The following PAK3 variants were observed in gnomAD, a reference collection of about 807,000 sequenced individuals.
The protein encoded by PAK3 is serine/threonine-protein kinase PAK 3.
Under a neutral mutation model 41.0 loss-of-function variants are expected in PAK3, and 4 were observed. That is an observed-to-expected ratio of 0.10 (90% CI 0.05 to 0.22). PAK3 has a LOEUF of 0.22. Ranked by LOEUF, PAK3 falls within the 10% of genes least tolerant of loss-of-function variation. The pLI is 1.00. For missense variants in PAK3, 205 were observed against 409.9 expected (o/e 0.50, Z 4.32); for synonymous variants, 146 against 139.6 (o/e 1.05, Z -0.32).
At chrX:111,210,718 C>G (rs1306650289) in intron 16 of PAK3, among the ~76,000 whole-genome samples, 1 of 112,007 alleles carries the variant, frequency 8.9e-6, no homozygotes, top group African/African-American at 3.2e-5. Flanking sequence ...CAGCTGCTAC[C>G]TTCCATGGGC....
chrX:111,023,883 A>C (rs745889535), intron 1 of PAK3, among the ~76,000 whole-genome samples: 18 of 111,526 alleles, frequency 1.6e-4, no homozygotes, highest in Non-Finnish European at 5.7e-5. Context: ...GCTGTGCAGA[A>C]ACTCTTTAGT....
chrX:110,989,328 A>G lies in PAK3; in HGVS notation c.-28+44700A>G, dbSNP rs986659985. On this transcript the variant is annotated intron_variant, in intron 1 of 14. Transcript: ENST00000425146. ...TACTTATCATACAACTTAACATAGT[A>G]TATTTTAAATAATAAACAGATAATG... is the stretch of plus-strand genomic sequence containing the variant. Among the ~76,000 whole-genome samples, 2 of 112,368 alleles carry G rather than the reference A, an allele frequency of 1.8e-5. 1 individual carries two copies. The highest frequency in any genetic ancestry group is 1.9e-4 in the Admixed American group (2 of 10,594).
intron 1 of PAK3, among the ~76,000 whole-genome samples, chrX:110,965,492 A>G (rs1342124823): frequency 8.9e-6 from 1 of 112,185 alleles, no homozygotes; most frequent in East Asian, 2.8e-4. Flanking sequence ...CCTCAGGACC[A>G]GGCTTTGGGA....
chrX:110,997,583 C>T (rs2091762388), intron 1 of PAK3, among the ~76,000 whole-genome samples: 2 of 111,770 alleles, frequency 1.8e-5, no homozygotes, highest in South Asian at 7.6e-4. Flanking sequence ...GGTTTTTAGC[C>T]TAGGCATCTA....
intron 8 of PAK3, among the ~76,000 whole-genome samples, chrX:111,160,573 A>T (rs374570885): frequency 9.2e-6 from 1 of 108,777 alleles, no homozygotes; most frequent in South Asian, 4.0e-4. Flanking sequence ...CCATTAACTC[A>T]TCATTTAGCA....
At chrX:111,044,305 C>T (rs898263245) in intron 1 of PAK3, among the ~76,000 whole-genome samples, 1 of 112,208 alleles carries the variant, frequency 8.9e-6, no homozygotes, top group African/African-American at 3.2e-5. Flanking sequence ...ATTTCCCCTA[C>T]TTATGCCAAA....
At chrX:111,031,757 A>G (rs760465332) in intron 1 of PAK3, among the ~76,000 whole-genome samples, 2 of 111,555 alleles carry the variant, frequency 1.8e-5, no homozygotes, top group Non-Finnish European at 3.8e-5. Context: ...TTAGGGACCC[A>G]TGGATGGAAT....
chrX:110,983,682 C>T (rs1373949064), intron 1 of PAK3, among the ~76,000 whole-genome samples: 1 of 111,213 alleles, frequency 9.0e-6, no homozygotes, highest in Non-Finnish European at 1.9e-5. Context: ...TTTTCCAGAG[C>T]CCCCCACGCA....
At chrX:111,170,292 A>G (rs1294740261) in intron 10 of PAK3, among the ~76,000 whole-genome samples, 1 of 111,211 alleles carries the variant, frequency 9.0e-6, no homozygotes, top group Non-Finnish European at 1.9e-5. Flanking sequence ...GAAATACAAA[A>G]GAAAAAGTAT....
intron 1 of PAK3, among the ~76,000 whole-genome samples, chrX:110,973,250 C>T (rs1026310356): frequency 1.8e-5 from 2 of 111,212 alleles, no homozygotes; most frequent in Non-Finnish European, 3.8e-5. Flanking sequence ...GCAAACCCAA[C>T]ACACCTAATT....
At chrX:111,211,186 G>A (rs763449080) in intron 16 of PAK3, among the ~76,000 whole-genome samples, 1 of 110,416 alleles carries the variant, frequency 9.1e-6, no homozygotes, top group Non-Finnish European at 1.9e-5. Context: ...GGAGTTGGGA[G>A]AAGGGCCCTA....
chrX:111,135,317 A>T (rs2093773947), intron 5 of PAK3, among the ~76,000 whole-genome samples: 1 of 111,914 alleles, frequency 8.9e-6, no homozygotes, highest in Admixed American at 9.5e-5. Context: ...GCACTTAATT[A>T]GTTAGATAAT....
chrX:110,948,407 C>T (rs2090667611), intron 1 of PAK3, among the ~76,000 whole-genome samples: 1 of 111,731 alleles, frequency 9.0e-6, no homozygotes, highest in Admixed American at 9.5e-5. Flanking sequence ...AGCCCCAACA[C>T]CCAACCTGGG....
At chrX:111,136,473 A>C (rs2093791198) in intron 5 of PAK3, among the ~76,000 whole-genome samples, 1 of 111,745 alleles carries the variant, frequency 8.9e-6, no homozygotes, top group African/African-American at 3.3e-5. Context: ...AGAGCAATTT[A>C]CATGCTGGAC....
chrX:111,057,308 TA>T (rs768428785), intron 1 of PAK3, among the ~76,000 whole-genome samples: 30 of 111,554 alleles, frequency 2.7e-4, no homozygotes, highest in Admixed American at 1.7e-3. Context: ...AGTCAAAAAA[TA>T]AAAAAATATA....
intron 16 of PAK3, among the ~76,000 whole-genome samples, chrX:111,214,932 C>A (rs1253353138): frequency 9.0e-6 from 1 of 111,446 alleles, no homozygotes; most frequent in Non-Finnish European, 1.9e-5. Flanking sequence ...GCTAGTAATA[C>A]CCTGGCAGTA....
At chrX:111,102,718 A>G (rs1344990380) in intron 3 of PAK3, among the ~76,000 whole-genome samples, 1 of 112,179 alleles carries the variant, frequency 8.9e-6, no homozygotes, top group Admixed American at 9.4e-5. Context: ...TTGCTCCATA[A>G]TTATGCAGAC....
intron 1 of PAK3, among the ~76,000 whole-genome samples, chrX:111,044,331 C>T (rs1289780311): frequency 8.9e-6 from 1 of 112,099 alleles, no homozygotes; most frequent in Admixed American, 9.4e-5. Context: ...GGAGGATGGC[C>T]TTTGGTTGCT....
chrX:111,216,617 A>G lies in PAK3; in HGVS notation c.1545+59A>G, dbSNP rs374447248. ...CATTATACTCAGCTTTTCCATCTCA[A>G]TGTGTGACAGAGAGCTCTGTCAAGA... On this transcript the variant is annotated intron_variant, in intron 17 of 17. Transcript: ENST00000372007. 18 of 942,760 alleles carry G rather than the reference A, an allele frequency of 1.9e-5. No homozygotes were observed. In the African/African-American group the frequency reaches 2.7e-4, roughly 14 times the overall value. The allele number at this position is 942,760 out of a possible 1,213,427, so 77.7% of individuals were successfully genotyped here. A position where few individuals can be genotyped will look rare whatever the true frequency, so the allele number is the denominator to read the frequency against.
Sources: allele counts gnomAD v4.1 joint callset (sites outside exome capture counted in the v4.1 genomes callset), GRCh38; gene constraint gnomAD v4.1.1; transcripts MANE v1.5; gene names NCBI Gene and HGNC (gene_info 2026-07-23, HGNC 2026-07-21).